The following SPATA6 variants were observed in gnomAD, a reference collection of about 807,000 sequenced individuals.
SPATA6 encodes the protein spermatogenesis associated 6.
In SPATA6, 56 loss-of-function variants were observed where a neutral mutation model predicts 65.3. The observed-to-expected ratio is 0.86, with a 90% confidence interval of 0.69 to 1.07. SPATA6 has a LOEUF of 1.07. Among genes scored for constraint, SPATA6 ranks in the 50% least tolerant of loss-of-function variants. The probability of loss-of-function intolerance (pLI) is 0.00; values close to 1 mark genes in which losing one functional copy is unlikely to be tolerated. For missense variants in SPATA6, 590 were observed against 594.8 expected, an observed-to-expected ratio of 0.99 and a Z score of 0.08; for synonymous variants, 199 against 213.2, an observed-to-expected ratio of 0.93 and a Z score of 0.58.
chr1:48,382,956 A>C (rs1284691167), intron 9 of SPATA6, among the ~76,000 whole-genome samples: 10 of 109,568 alleles, frequency 9.1e-5, no homozygotes, highest in South Asian at 3.3e-4. Context: ...AGGTGGGGGG[A>C]TGACCCCCCC....
chr1:48,432,913 G>A (rs1654539882), intron 3 of SPATA6, among the ~76,000 whole-genome samples: 1 of 152,170 alleles, frequency 6.6e-6, no homozygotes, highest in African/African-American at 2.4e-5. Context: ...TAGGCTAAAT[G>A]TGATGTATGC....
intron 3 of SPATA6, among the ~76,000 whole-genome samples, chr1:48,426,505 G>A (rs1382183117): frequency 6.6e-6 from 1 of 152,024 alleles, no homozygotes; most frequent in African/African-American, 2.4e-5. Context: ...GAAAAAAATG[G>A]ACTAGCAAAA....
intron 3 of SPATA6, among the ~76,000 whole-genome samples, chr1:48,445,524 G>A (rs1008398787): frequency 2.0e-5 from 3 of 151,932 alleles, no homozygotes; most frequent in African/African-American, 7.3e-5. Context: ...GCCGGGCGTG[G>A]TGGCAGGCGC....
downstream of SPATA6, among the ~76,000 whole-genome samples, chr1:48,292,227 C>T (rs961161477): frequency 6.6e-6 from 1 of 152,194 alleles, no homozygotes; most frequent in Non-Finnish European, 1.5e-5. Context: ...AGAGGGGGAG[C>T]AGAAGTATGC....
chr1:48,317,967 C>T (rs530664696), intron 11 of SPATA6, among the ~76,000 whole-genome samples: 4 of 152,248 alleles, frequency 2.6e-5, no homozygotes, highest in African/African-American at 9.6e-5. Flanking sequence ...CCACAACCAA[C>T]TGGGAATTAT....
chr1:48,265,410 T>TG, the SPATA6 span, among the ~76,000 whole-genome samples: 1 of 150,818 alleles, frequency 6.6e-6, no homozygotes, highest in Non-Finnish European at 1.5e-5. Flanking sequence ...AAAAAACCCC[T>TG]GGGATTTAAA....
At chr1:48,443,204 G>A (rs545947335) in intron 3 of SPATA6, among the ~76,000 whole-genome samples, 5 of 152,314 alleles carry the variant, frequency 3.3e-5, no homozygotes, top group South Asian at 2.1e-4. Context: ...TGGACTGAAC[G>A]AGGTTTTATT....
chr1:48,447,108 TTATTA>T (rs1392088504), intron 3 of SPATA6, among the ~76,000 whole-genome samples: 2 of 152,206 alleles, frequency 1.3e-5, no homozygotes, highest in Non-Finnish European at 2.9e-5. Context: ...CTAGCTTACT[TTATTA>T]TAAGAATATA....
chr1:48,345,345 G>C (rs961340393), intron 11 of SPATA6, among the ~76,000 whole-genome samples: 2 of 152,152 alleles, frequency 1.3e-5, no homozygotes, highest in Admixed American at 6.6e-5. Context: ...CTAAGGCAGT[G>C]TTAATAGGTA....
At chr1:48,448,324 T>C (rs1389969514) in intron 3 of SPATA6, among the ~76,000 whole-genome samples, 1 of 151,404 alleles carries the variant, frequency 6.6e-6, no homozygotes. Context: ...TAGGTACAGG[T>C]TGAATATCCC....
chr1:48,449,988 C>T (rs1010952596), intron 3 of SPATA6, among the ~76,000 whole-genome samples: 8 of 151,984 alleles, frequency 5.3e-5, no homozygotes, highest in Non-Finnish European at 1.2e-4. Flanking sequence ...TCATCACATT[C>T]TATTCTCTCC....
intron 2 of SPATA6, 59 bp downstream of exon 2, chr1:48,452,935 A>C: frequency 1.3e-6 from 2 of 1,562,998 alleles, no homozygotes; most frequent in Non-Finnish European, 1.7e-6. Context: ...CTTTTATTCA[A>C]AAATTGGAAC....
chr1:48,267,994 A>G, the SPATA6 span, among the ~76,000 whole-genome samples: 15 of 151,506 alleles, frequency 9.9e-5, no homozygotes, highest in East Asian at 1.6e-3. Flanking sequence ...CTCGTGATCC[A>G]CCTGTCTCGG....
chr1:48,307,012 C>T (rs1645077959), intron 11 of SPATA6, among the ~76,000 whole-genome samples: 1 of 151,420 alleles, frequency 6.6e-6, no homozygotes, highest in Non-Finnish European at 1.5e-5. Flanking sequence ...TCAGCCATTC[C>T]TTACTATTAG....
chr1:48,421,392 G>A (rs893978400), intron 3 of SPATA6, among the ~76,000 whole-genome samples: 1 of 150,216 alleles, frequency 6.7e-6, no homozygotes, highest in African/African-American at 2.4e-5. Context: ...AACACAAAAA[G>A]AACAAATCCT....
At chr1:48,279,862 A>G in the SPATA6 span, among the ~76,000 whole-genome samples, 4 of 152,206 alleles carry the variant, frequency 2.6e-5, no homozygotes, top group Non-Finnish European at 4.4e-5. Flanking sequence ...TCTCCACCCC[A>G]AATCAACAGA....
intron 11 of SPATA6, among the ~76,000 whole-genome samples, chr1:48,308,902 T>C (rs566995714): frequency 6.6e-6 from 1 of 152,248 alleles, no homozygotes; most frequent in East Asian, 1.9e-4. Context: ...ACTTTTTTTC[T>C]AGATATAGGG....
At chr1:48,418,779 AGGAAGAAG>A (rs1372892588) in intron 3 of SPATA6, among the ~76,000 whole-genome samples, 8 of 126,472 alleles carry the variant, frequency 6.3e-5, no homozygotes, top group East Asian at 2.8e-4. Flanking sequence ...AAGGGAAGGA[AGGAAGAAG>A]GGAAGGAAGG....
intron 9 of SPATA6, among the ~76,000 whole-genome samples, chr1:48,368,224 T>G (rs1289231865): frequency 6.6e-6 from 1 of 152,194 alleles, no homozygotes; most frequent in Non-Finnish European, 1.5e-5. Flanking sequence ...TGGGTGCCCT[T>G]AACATTTTGC....
Sources: allele counts gnomAD v4.1 joint callset (sites outside exome capture counted in the v4.1 genomes callset), GRCh38; gene constraint gnomAD v4.1.1; transcripts MANE v1.5; gene names NCBI Gene and HGNC (gene_info 2026-07-23, HGNC 2026-07-21).